The following CTSC variants were observed in gnomAD, a reference collection of about 807,000 sequenced individuals.
CTSC encodes the protein cathepsin C, also known as dipeptidyl peptidase 1.
In CTSC, 37 loss-of-function variants were observed where a neutral mutation model predicts 40.9. The ratio of observed to expected loss-of-function variants is 0.91; its 90% CI spans 0.70 to 1.19. The LOEUF (loss-of-function observed/expected upper bound fraction) is 1.19, where lower values mean the gene tolerates loss of function less well. Among genes scored for constraint, CTSC ranks in the 50% most tolerant of loss-of-function variants. CTSC has a pLI of 0.00. For synonymous variants in CTSC, 232 were observed against 207.4 expected, an observed-to-expected ratio of 1.12 and a Z score of -1.02; for missense variants, 594 against 567.3, an observed-to-expected ratio of 1.05 and a Z score of -0.48.
chr11:88,328,431 T>A (rs1471738980), intron 2 of CTSC, among the ~76,000 whole-genome samples: 1 of 152,150 alleles, frequency 6.6e-6, no homozygotes, highest in Non-Finnish European at 1.5e-5. Context: ...TCTCAATAAG[T>A]CTTCTAAAAT....
chr11:88,296,124 A>C lies in CTSC; in HGVS notation c.889+9T>G. ...AGCTCATAAATGGTGTCTGAAATGCAACACTTACCTTGAGCATACTGGCTA... is the reference window on the plus strand; with the variant it reads ...AGCTCATAAATGGTGTCTGAAATGCCACACTTACCTTGAGCATACTGGCTA... On this transcript the variant is annotated intron_variant, in intron 6 of 6. Coordinates refer to ENST00000227266, the MANE Select transcript of CTSC (RefSeq NM_001814.6). 1 of 1,613,724 alleles carries C rather than the reference A, an allele frequency of 6.2e-7. No homozygotes were observed.
In CTSC at chr11:88,294,099, C is replaced by A; in HGVS notation, c.1299G>T (p.Trp433Cys). The A allele has an allele frequency of 6.2e-7, 1 of 1,614,010 alleles. No homozygotes were observed. The highest frequency in any genetic ancestry group is 8.5e-7 in the Non-Finnish European group (1 of 1,179,994). Residue 433 changes from tryptophan to cysteine, a missense_variant, in exon 7 of 7, where the codon TGG becomes TGT. Coordinates refer to ENST00000227266, the MANE Select transcript of CTSC (RefSeq NM_001814.6). ...GGATCCGGAAGTAGCCATTCTCACC[C>A]CAGCCGGTGCCCCAGCTGTTTTTAA... ...WIVKNSWGTGWGENGYFRIRR... is the reference protein window; with the variant it reads ...WIVKNSWGTGCGENGYFRIRR...
chr11:88,318,653 C>T (rs756996763), intron 2 of CTSC, among the ~76,000 whole-genome samples: 1 of 152,214 alleles, frequency 6.6e-6, no homozygotes, highest in African/African-American at 2.4e-5. Flanking sequence ...TGCCTGTAAT[C>T]CCAACACTTT....
At chr11:88,304,528 C>T (rs1413112825) in intron 4 of CTSC, among the ~76,000 whole-genome samples, 3 of 152,128 alleles carry the variant, frequency 2.0e-5, no homozygotes, top group Non-Finnish European at 2.9e-5. Context: ...ATGATGTTGT[C>T]AAAGGTGTTT....
chr11:88,296,922 T>C (rs1366032491), intron 5 of CTSC: 2 of 155,386 alleles, frequency 1.3e-5, no homozygotes, highest in Admixed American at 1.3e-4. Flanking sequence ...ATTGACCATA[T>C]TGTACACTGT....
rs1938335736 is a variant in CTSC, at chr11:88,330,895, T to C, written c.318+4042A>G. Among the ~76,000 whole-genome samples the C allele has an allele frequency of 1.3e-5, 2 of 152,182 alleles. 1 individual carries two copies. The highest frequency in any genetic ancestry group is 1.3e-4 in the Admixed American group (2 of 15,276). ...AGATAAGCCCTGAATAAACAGAACT[T>C]AATAAAGCAAGTTTCTAGCAATAGG... On this transcript the variant is annotated intron_variant, in intron 2 of 6. Coordinates refer to ENST00000227266, the MANE Select transcript of CTSC (RefSeq NM_001814.6).
rs554353593 is a variant in CTSC, at chr11:88,326,326, C to G, written c.318+8611G>C. On this transcript the variant is annotated intron_variant, in intron 2 of 6. Transcript: ENST00000227266. ...AGAAGGGACTGTAGCTGCTAGAGGC[C>G]TTTGCTAGCTGCTACAGGTAGGTCC... 4 of 1,613,672 alleles carry G rather than the reference C, an allele frequency of 2.5e-6. No individual in the cohort carries two copies. In the East Asian group the frequency reaches 6.7e-5, roughly 27 times the overall value.
At chr11:88,323,802 TAGG>T (rs1215121159) in intron 2 of CTSC, 4 of 152,154 alleles carry the variant, frequency 2.6e-5, no homozygotes, top group Non-Finnish European at 5.9e-5. Flanking sequence ...TGCTCATGGA[TAGG>T]AAGAATCAAT....
intron 2 of CTSC, among the ~76,000 whole-genome samples, chr11:88,318,059 C>T (rs948768127): frequency 6.6e-6 from 1 of 152,134 alleles, no homozygotes; most frequent in East Asian, 1.9e-4. Context: ...TTTTTGGGAA[C>T]TGAAGTTATT....
At chr11:88,319,207 A>G (rs1937943847) in intron 2 of CTSC, among the ~76,000 whole-genome samples, 1 of 152,206 alleles carries the variant, frequency 6.6e-6, no homozygotes, top group African/African-American at 2.4e-5. Flanking sequence ...TAATGATGCA[A>G]ACATAAGAAA....
chr11:88,318,688 C>G (rs1315056096), intron 2 of CTSC, among the ~76,000 whole-genome samples: 1 of 152,086 alleles, frequency 6.6e-6, no homozygotes, highest in Non-Finnish European at 1.5e-5. Context: ...GGTGGATCAC[C>G]TGAAGTCGGG....
At chr11:88,301,833 C>CAG (rs1334748136) in intron 4 of CTSC, among the ~76,000 whole-genome samples, 19 of 151,458 alleles carry the variant, frequency 1.3e-4, no homozygotes, top group Admixed American at 2.6e-4. Context: ...CACACACACA[C>CAG]ACAGAGAGAG....
At chr11:88,331,621 T>G (rs981915505) in intron 2 of CTSC, among the ~76,000 whole-genome samples, 2 of 152,182 alleles carry the variant, frequency 1.3e-5, no homozygotes, top group African/African-American at 4.8e-5. Flanking sequence ...CTGTTCTTCT[T>G]GGGCTTTTAT....
intron 2 of CTSC, among the ~76,000 whole-genome samples, chr11:88,334,259 A>T (rs1938434549): frequency 6.6e-6 from 1 of 152,270 alleles, no homozygotes; most frequent in South Asian, 2.1e-4. Context: ...CTTGTGAAGA[A>T]CAAATGAAAT....
intron 2 of CTSC, among the ~76,000 whole-genome samples, chr11:88,327,707 G>A (rs915358429): frequency 6.6e-6 from 1 of 152,096 alleles, no homozygotes; most frequent in African/African-American, 2.4e-5. Flanking sequence ...AAGCTGCTGT[G>A]GCCTCACATG....
At chr11:88,326,361 C>T (rs372104391) in intron 2 of CTSC, 2 of 1,613,930 alleles carry the variant, frequency 1.2e-6, no homozygotes, top group Non-Finnish European at 1.7e-6. Context: ...CACACTGTCG[C>T]AGGCTGCTCT....
chr11:88,294,079 C>T lies in CTSC; in HGVS notation c.1319G>A (p.Arg440Gln), dbSNP rs140086884. ...ACACTCATCAGTTCCTCTGCGGATCCGGAAGTAGCCATTCTCACCCCAGCC... is the reference window on the plus strand; with the variant it reads ...ACACTCATCAGTTCCTCTGCGGATCTGGAAGTAGCCATTCTCACCCCAGCC... ...GTGWGENGYF[R>Q]IRRGTDECAI... is the part of the protein sequence containing the mutation. Residue 440 changes from arginine to glutamine, a missense_variant, in exon 7 of 7, where the codon CGG becomes CAG. Transcript: ENST00000227266. 55 of 1,613,966 alleles carry T rather than the reference C, an allele frequency of 3.4e-5. No homozygotes were observed. The Middle Eastern group carries it at 4.9e-4, about 15-fold the overall frequency.
chr11:88,311,230 T>C (rs987537966), intron 3 of CTSC, among the ~76,000 whole-genome samples: 3 of 152,184 alleles, frequency 2.0e-5, no homozygotes, highest in African/African-American at 7.2e-5. Context: ...AATGATAGGG[T>C]ACAAAGTAAA....
At chr11:88,313,897 T>C (rs1937822010) in intron 2 of CTSC, among the ~76,000 whole-genome samples, 1 of 152,212 alleles carries the variant, frequency 6.6e-6, no homozygotes, top group Non-Finnish European at 1.5e-5. Flanking sequence ...CAAAGACCAC[T>C]AGGCTTTGCA....
Sources: gnomAD v4.1 joint callset for allele counts (sites outside exome capture counted in the v4.1 genomes callset) on GRCh38, gnomAD v4.1.1 for gene constraint, MANE v1.5 for transcripts, NCBI Gene and HGNC (gene_info 2026-07-23, HGNC 2026-07-21) for gene names.